Variants in MTMR3 observed in about 807,000 individuals in gnomAD.
The protein encoded by MTMR3 is myotubularin related protein 3.
Under a neutral mutation model 132.4 loss-of-function variants are expected in MTMR3, and 32 were observed. The observed-to-expected ratio is 0.24, with a 90% CI of 0.18 to 0.32. MTMR3 has a LOEUF of 0.32. MTMR3 is among the 10% of genes least tolerant of loss of function. The pLI is 1.00. For synonymous variants in MTMR3, 556 were observed against 550.3 expected, an observed-to-expected ratio of 1.01 and a Z score of -0.14; for missense variants, 1,216 against 1,489.6, an observed-to-expected ratio of 0.82 and a Z score of 3.02.
chr22:29,915,317 C>T (rs2065287554), intron 1 of MTMR3, among the ~76,000 whole-genome samples: 1 of 152,144 alleles, frequency 6.6e-6, no homozygotes, highest in Non-Finnish European at 1.5e-5. Flanking sequence ...AATTTTTTCC[C>T]ATCCTTTTAC....
At chr22:29,890,767 G>C (rs1217876579) in intron 1 of MTMR3, among the ~76,000 whole-genome samples, 2 of 152,134 alleles carry the variant, frequency 1.3e-5, no homozygotes, top group East Asian at 3.9e-4. Context: ...TCTTCGGAGG[G>C]AGCTGATAAA....
In MTMR3 at chr22:30,009,090, C is replaced by G. The variant is rs747192130; in HGVS notation, c.1082C>G (p.Ser361Cys). 21 of 1,613,638 alleles carry G rather than the reference C, an allele frequency of 1.3e-5. No homozygotes were observed. The highest frequency in any genetic ancestry group is 1.3e-5 in the African/African-American group (1 of 74,904). Residue 361 changes from serine to cysteine, a missense_variant, in exon 12 of 20, where the codon TCT (serine) becomes TGT (cysteine). Around this residue, in one of 7 missense-constraint regions of MTMR3, gnomAD observed 106 missense variants for 209.5 expected, o/e 0.51. Transcript: ENST00000401950. ...NIHSIRRSFQ[S>C]LRLLCTQMPD... The stretch of plus-strand genomic sequence containing the variant: ...CATTCTATTCGGAGGAGTTTTCAGT[C>G]TCTGCGGTTGCTGTGCACTCAGATG...
At chr22:30,002,277 GC>G (rs1011918700) in intron 8 of MTMR3, 5 of 152,336 alleles carry the variant, frequency 3.3e-5, no homozygotes, top group African/African-American at 1.2e-4. Context: ...TGGGACTGAG[GC>G]TGTGTATGCA....
intron 1 of MTMR3, among the ~76,000 whole-genome samples, chr22:29,884,789 C>G (rs2064636491): frequency 6.6e-6 from 1 of 152,156 alleles, no homozygotes; most frequent in Non-Finnish European, 1.5e-5. Context: ...GCCTGGAACT[C>G]TTGACCTCAA....
intron 17 of MTMR3, 104 bp downstream of exon 17, chr22:30,020,988 G>T: frequency 8.5e-7 from 1 of 1,170,484 alleles, no homozygotes; most frequent in South Asian, 1.6e-5. Context: ...GGTTGTTAAA[G>T]GATTGGAAAG....
At chr22:30,022,194 TCTC>T (rs2067777054) in intron 18 of MTMR3, 55 bp downstream of exon 18, 11 of 1,416,140 alleles carry the variant, frequency 7.8e-6, no homozygotes, top group African/African-American at 1.4e-5. Flanking sequence ...TTGTGGTTCT[TCTC>T]CACCCCCATT....
chr22:29,962,506 C>T (rs1307090741), intron 2 of MTMR3, among the ~76,000 whole-genome samples: 1 of 151,944 alleles, frequency 6.6e-6, no homozygotes, highest in African/African-American at 2.4e-5. Context: ...CCCCTTTTCC[C>T]CCCACAAAAA....
chr22:29,997,698 C>T (rs1338509540), intron 7 of MTMR3: 1 of 152,140 alleles, frequency 6.6e-6, no homozygotes, highest in East Asian at 1.9e-4. Context: ...AGATTCCTGG[C>T]TGGCAGTTAT....
Position 30,020,152 on chromosome 22 carries a change from C to T in MTMR3, c.2493C>T (p.Ser831=). The change falls in exon 17 of 20, where the codon TCC becomes TCT. Residue 831 remains serine (S), a synonymous_variant. Transcript: ENST00000401950. ...CACAGTCATGTTCTCTGCTACCTTC[C>T]CAAGTCCCTTTTGAGACCAGAGGAC... is the stretch of plus-strand genomic sequence containing the variant. ...GTSQSCSLLP[S]QVPFETRGPN... is the part of the protein sequence containing the mutation. 1 of 1,614,214 alleles carries T rather than the reference C, an allele frequency of 6.2e-7. No individual in the cohort carries two copies. The highest frequency in any genetic ancestry group is 8.5e-7 in the Non-Finnish European group (1 of 1,180,048).
intron 7 of MTMR3, chr22:29,992,329 G>A (rs2066979675): frequency 6.6e-6 from 1 of 152,190 alleles, no homozygotes; most frequent in Admixed American, 6.5e-5. Context: ...GCCACCCGGA[G>A]TGCTTGGATT....
At chr22:29,950,127 G>A (rs996601230) in intron 1 of MTMR3, among the ~76,000 whole-genome samples, 2 of 152,126 alleles carry the variant, frequency 1.3e-5, no homozygotes, top group Non-Finnish European at 1.5e-5. Context: ...ACCTTTTTCC[G>A]AGGCTGGAGC....
At chr22:29,942,728 T>G (rs189463345) in intron 1 of MTMR3, among the ~76,000 whole-genome samples, 1 of 152,236 alleles carries the variant, frequency 6.6e-6, no homozygotes, top group Non-Finnish European at 1.5e-5. Flanking sequence ...AAGAAAAATA[T>G]GGCTCTGTTC....
At chr22:29,941,088 A>G (rs1264857298) in intron 1 of MTMR3, among the ~76,000 whole-genome samples, 1 of 148,710 alleles carries the variant, frequency 6.7e-6, no homozygotes, top group Non-Finnish European at 1.5e-5. Flanking sequence ...CTCTGCCCTA[A>G]TCCAAACTAC....
intron 3 of MTMR3, among the ~76,000 whole-genome samples, chr22:29,973,787 C>T (rs3747149): frequency 0.35 from 53,464 of 151,912 alleles, 10,398 homozygotes; most frequent in East Asian, 0.71. Context: ...TTAGTAGGGA[C>T]GGGATTTCAC....
At chr22:30,016,950 A>G in intron 15 of MTMR3, 2 of 409,932 alleles carry the variant, frequency 4.9e-6, no homozygotes, top group South Asian at 4.3e-5. Context: ...CACCCTAGAC[A>G]TGAATCTTTT....
At chr22:30,023,561 C>T (rs576096137) in intron 19 of MTMR3, 2 of 1,545,222 alleles carry the variant, frequency 1.3e-6, no homozygotes, top group East Asian at 2.2e-5. Context: ...ATCATTTCCC[C>T]CTCTCTGCAC....
chr22:29,995,016 T>TTCA (rs2067034325), intron 7 of MTMR3: 1 of 152,292 alleles, frequency 6.6e-6, no homozygotes, highest in African/African-American at 2.4e-5. Context: ...TTGTTGGTGA[T>TTCA]GGCTCTGTAC....
chr22:29,998,676 T>C, intron 7 of MTMR3, 85 bp from the exon 8 acceptor site: 1 of 740,850 alleles, frequency 1.3e-6, no homozygotes, highest in South Asian at 1.9e-5. Flanking sequence ...ATATGTAACA[T>C]ATGTATATTT....
intron 7 of MTMR3, chr22:29,994,153 A>C: frequency 2.0e-6 from 2 of 984,764 alleles, no homozygotes; most frequent in Non-Finnish European, 2.4e-6. Context: ...AACACTTTGG[A>C]AATTATGCAA....
Sources: gnomAD v4.1 joint callset for allele counts (sites outside exome capture counted in the v4.1 genomes callset) on GRCh38, gnomAD v4.1.1 for gene constraint, gnomAD v4.1.1 regional missense constraint, MANE v1.5 for transcripts, NCBI Gene and HGNC (gene_info 2026-07-23, HGNC 2026-07-21) for gene names.